NOS1AP: variants seen among roughly 807,000 people sequenced by gnomAD.
NOS1AP encodes the protein nitric oxide synthase 1 adaptor protein.
Under a neutral mutation model 56.2 loss-of-function variants are expected in NOS1AP, and 21 were observed. The observed-to-expected ratio is 0.37, with a 90% confidence interval of 0.26 to 0.54. NOS1AP has a LOEUF of 0.54. NOS1AP is among the 20% of genes least tolerant of loss of function. NOS1AP has a pLI of 0.84. For synonymous variants in NOS1AP, 270 were observed against 274.6 expected, an observed-to-expected ratio of 0.98 and a Z score of 0.17; for missense variants, 522 against 657.8, an observed-to-expected ratio of 0.79 and a Z score of 2.26.
At chr1:162,248,869 C>G (rs570499320) in intron 2 of NOS1AP, among the ~76,000 whole-genome samples, 1 of 152,152 alleles carries the variant, frequency 6.6e-6, no homozygotes, top group East Asian at 1.9e-4. Context: ...TTTTTTTCAT[C>G]TTGACTTAAA....
intron 5 of NOS1AP, among the ~76,000 whole-genome samples, chr1:162,336,687 C>T (rs1462857412): frequency 1.3e-5 from 2 of 152,192 alleles, no homozygotes; most frequent in Non-Finnish European, 2.9e-5. Context: ...CTTCTCAGGC[C>T]AGGACTTTGA....
At chr1:162,105,168 C>T (rs1280908835) in intron 1 of NOS1AP, among the ~76,000 whole-genome samples, 3 of 152,166 alleles carry the variant, frequency 2.0e-5, no homozygotes, top group African/African-American at 7.2e-5. Context: ...AGCACTGCTG[C>T]AGTTTGCTGG....
Position 162,264,469 on chromosome 1 carries a change from C to CCCTGT in NOS1AP, c.178-22872_178-22871insGTCCT, listed in dbSNP as rs1553200313. 3.1e-4 allele frequency among the ~76,000 whole-genome samples: 10 copies of CCCTGT among 31,826 alleles called. 1 individual carries two copies. The highest frequency in any genetic ancestry group is 2.0e-3 in the East Asian group (1 of 492). The allele number at this position is 31,826 out of a possible 152,430, so 20.9% of individuals were successfully genotyped here. A position where few individuals can be genotyped will look rare whatever the true frequency, so the allele number is the denominator to read the frequency against. ...TCTTCTCTTCTCTTCTCTTCTCCTC[C>CCCTGT]CCTCCCCTCCCCTCCCCTCTCCTCC... On this transcript the variant is annotated intron_variant, in intron 2 of 9. Transcript: ENST00000361897.
chr1:162,288,876 C>T (rs1282162646), intron 3 of NOS1AP, among the ~76,000 whole-genome samples: 3 of 152,174 alleles, frequency 2.0e-5, no homozygotes, highest in Non-Finnish European at 2.9e-5. Context: ...CCTTTGGGGA[C>T]ATCTGTTTTG....
chr1:162,338,060 C>T (rs1656997190), intron 5 of NOS1AP, among the ~76,000 whole-genome samples: 1 of 152,136 alleles, frequency 6.6e-6, no homozygotes, highest in South Asian at 2.1e-4. Flanking sequence ...AGAAACATGA[C>T]ATTCAGTTCT....
intron 2 of NOS1AP, among the ~76,000 whole-genome samples, chr1:162,159,231 T>C (rs1367862643): frequency 6.6e-6 from 1 of 152,138 alleles, no homozygotes; most frequent in Non-Finnish European, 1.5e-5. Flanking sequence ...TGAAAAGAGC[T>C]CTCAATGAGG....
intron 1 of NOS1AP, among the ~76,000 whole-genome samples, chr1:162,117,706 T>C (rs928440643): frequency 1.9e-4 from 29 of 152,220 alleles, no homozygotes; most frequent in Admixed American, 1.3e-4. Context: ...AGGCTGTAGC[T>C]AAAGTGCCTT....
chr1:162,122,110 TAA>T (rs1648265573), intron 1 of NOS1AP, among the ~76,000 whole-genome samples: 1 of 152,240 alleles, frequency 6.6e-6, no homozygotes, highest in Admixed American at 6.5e-5. Context: ...TTGATTATTA[TAA>T]GATTATTCAC....
intron 1 of NOS1AP, among the ~76,000 whole-genome samples, chr1:162,103,947 T>A (rs183164905): frequency 2.4e-4 from 36 of 152,358 alleles, no homozygotes; most frequent in African/African-American, 7.7e-4. Context: ...GATTCTGTCA[T>A]CATGACGCTA....
chr1:162,365,590 GC>G (rs1191719934), intron 9 of NOS1AP, 21 bp downstream of exon 9: 5 of 1,606,560 alleles, frequency 3.1e-6, no homozygotes, highest in Middle Eastern at 1.9e-4. Flanking sequence ...GCCCTGCCCA[GC>G]CCTGCTTCCT....
intron 4 of NOS1AP, among the ~76,000 whole-genome samples, chr1:162,304,679 A>G (rs1410803591): frequency 6.6e-6 from 1 of 152,138 alleles, no homozygotes; most frequent in Non-Finnish European, 1.5e-5. Flanking sequence ...GTTTAAAAAC[A>G]AAGAAATAAA....
At chr1:162,144,762 G>C (rs1315279627) in intron 1 of NOS1AP, among the ~76,000 whole-genome samples, 1 of 152,174 alleles carries the variant, frequency 6.6e-6, no homozygotes, top group Non-Finnish European at 1.5e-5. Flanking sequence ...ATAGTTGAAA[G>C]GCCAGAACAG....
intron 5 of NOS1AP, among the ~76,000 whole-genome samples, chr1:162,340,383 G>A (rs368205607): frequency 6.6e-6 from 1 of 152,172 alleles, no homozygotes; most frequent in South Asian, 2.1e-4. Context: ...TATGGTGGAG[G>A]CTATGCTATC....
chr1:162,204,978 C>T (rs1250609540), intron 2 of NOS1AP, among the ~76,000 whole-genome samples: 1 of 152,184 alleles, frequency 6.6e-6, no homozygotes, highest in East Asian at 1.9e-4. Flanking sequence ...TATCCAGGTT[C>T]TCTGCACACC....
At chr1:162,147,948 A>G (rs949639976) in intron 1 of NOS1AP, among the ~76,000 whole-genome samples, 1 of 152,216 alleles carries the variant, frequency 6.6e-6, no homozygotes, top group African/African-American at 2.4e-5. Context: ...GGATGCAGGA[A>G]TGCTACAGAA....
chr1:162,216,478 A>G (rs141321908), intron 2 of NOS1AP, among the ~76,000 whole-genome samples: 3,192 of 152,242 alleles, frequency 0.021, 53 homozygotes, highest in Non-Finnish European at 0.035. Context: ...CGGGCTTTAC[A>G]TCTTATAGTT....
intron 4 of NOS1AP, among the ~76,000 whole-genome samples, chr1:162,325,275 G>T (rs181493602): frequency 6.6e-4 from 100 of 152,266 alleles, no homozygotes; most frequent in African/African-American, 2.4e-3. Flanking sequence ...GTTATATAAA[G>T]ATTAAATTAA....
intron 2 of NOS1AP, among the ~76,000 whole-genome samples, chr1:162,184,764 T>G (rs1216440339): frequency 2.0e-5 from 3 of 152,240 alleles, no homozygotes; most frequent in Non-Finnish European, 4.4e-5. Flanking sequence ...TGAGACTGAC[T>G]GAAGTGAGAA....
intron 2 of NOS1AP, among the ~76,000 whole-genome samples, chr1:162,286,022 A>G (rs1169519383): frequency 6.6e-6 from 1 of 152,222 alleles, no homozygotes; most frequent in African/African-American, 2.4e-5. Context: ...TATCAACAAT[A>G]ACTCTGTACA....
Sources: gnomAD v4.1 joint callset for allele counts (sites outside exome capture counted in the v4.1 genomes callset) on GRCh38, gnomAD v4.1.1 for gene constraint, MANE v1.5 for transcripts, NCBI Gene and HGNC (gene_info 2026-07-23, HGNC 2026-07-21) for gene names.